Variants in PREX1 observed in about 807,000 individuals in gnomAD.
The protein encoded by PREX1 is phosphatidylinositol-3,4,5-trisphosphate dependent Rac exchange factor 1, also known as phosphatidylinositol 3,4,5-trisphosphate-dependent Rac exchanger 1 protein.
A neutral mutation model predicts 198.3 loss-of-function variants in PREX1; 41 were observed. That is an observed-to-expected ratio of 0.21 (90% CI 0.16 to 0.27). The LOEUF (loss-of-function observed/expected upper bound fraction) is 0.27, where lower values mean the gene tolerates loss of function less well. PREX1 is among the 10% of genes least tolerant of loss of function. The pLI is 1.00. For synonymous variants in PREX1, 843 were observed against 887.2 expected, an observed-to-expected ratio of 0.95 and a Z score of 0.89; for missense variants, 1,620 against 2,200.7, an observed-to-expected ratio of 0.74 and a Z score of 5.28.
chr20:48,681,550 C>G (rs1388183472), intron 10 of PREX1, among the ~76,000 whole-genome samples: 3 of 151,978 alleles, frequency 2.0e-5, no homozygotes, highest in African/African-American at 7.3e-5. Context: ...GATTCCAGGT[C>G]TGCCTCAGGC....
intron 1 of PREX1, among the ~76,000 whole-genome samples, chr20:48,775,352 G>A (rs964021944): frequency 3.3e-5 from 5 of 151,956 alleles, no homozygotes; most frequent in African/African-American, 9.7e-5. Context: ...TTTTAAATGT[G>A]GTGGCCAGGA....
At chr20:48,849,595 G>T in the PREX1 span, 2 of 152,328 alleles carry the variant, frequency 1.3e-5, no homozygotes, top group African/African-American at 4.8e-5. Flanking sequence ...TCTGCAATTT[G>T]CTGGCTTCAC....
chr20:48,630,648 T>C, intron 36 of PREX1, 80 bp downstream of exon 36: 1 of 1,304,326 alleles, frequency 7.7e-7, no homozygotes, highest in Non-Finnish European at 1.1e-6. Flanking sequence ...GGCACAACCC[T>C]GGGCCTGTCT....
At chr20:48,772,579 T>C (rs2090241687) in intron 1 of PREX1, among the ~76,000 whole-genome samples, 2 of 152,240 alleles carry the variant, frequency 1.3e-5, no homozygotes, top group South Asian at 4.1e-4. Context: ...TCCCACCACA[T>C]CAAGCTGGAA....
chr20:48,793,739 C>T (rs2090348417), intron 1 of PREX1, among the ~76,000 whole-genome samples: 1 of 152,212 alleles, frequency 6.6e-6, no homozygotes, highest in African/African-American at 2.4e-5. Context: ...ATCTTGATCC[C>T]TCTCGGGTCC....
chr20:48,882,525 A>AAAAAAAAAAAAAAG, the PREX1 span, among the ~76,000 whole-genome samples: 2 of 97,814 alleles, frequency 2.0e-5, 1 homozygote, highest in African/African-American at 7.7e-5. Flanking sequence ...AAAAAAAAAA[A>AAAAAAAAAAAAAAG]AGAGAGAATC....
intron 3 of PREX1, among the ~76,000 whole-genome samples, chr20:48,735,718 T>C (rs1190722517): frequency 1.3e-5 from 2 of 152,072 alleles, no homozygotes; most frequent in African/African-American, 2.4e-5. Context: ...TGGTAACTAC[T>C]GTAACAGACT....
intron 3 of PREX1, among the ~76,000 whole-genome samples, chr20:48,739,371 A>C (rs1428835387): frequency 6.6e-6 from 1 of 152,202 alleles, no homozygotes; most frequent in Non-Finnish European, 1.5e-5. Flanking sequence ...TTTTAGTATA[A>C]GTATGTCTCA....
the PREX1 span, among the ~76,000 whole-genome samples, chr20:48,876,340 T>G: frequency 6.6e-6 from 1 of 152,174 alleles, no homozygotes; most frequent in African/African-American, 2.4e-5. Context: ...GTCTGTGGGA[T>G]CCGCCCTTTG....
chr20:48,879,225 G>A, the PREX1 span, among the ~76,000 whole-genome samples: 114 of 152,268 alleles, frequency 7.5e-4, 2 homozygotes, highest in South Asian at 0.015. Flanking sequence ...AGTACAATAC[G>A]TGCTCCAAAA....
intron 1 of PREX1, among the ~76,000 whole-genome samples, chr20:48,791,071 T>C (rs992789848): frequency 2.6e-5 from 4 of 152,062 alleles, no homozygotes; most frequent in Non-Finnish European, 5.9e-5. Context: ...GAATAATGCA[T>C]ACACTGTACT....
intron 33 of PREX1, among the ~76,000 whole-genome samples, chr20:48,634,458 C>T (rs1307945429): frequency 6.6e-6 from 1 of 152,194 alleles, no homozygotes; most frequent in South Asian, 2.1e-4. Flanking sequence ...TTGGAAATAG[C>T]CGGGTTCATA....
At position 48,651,568 on chromosome 20, in the gene PREX1, G is replaced by A; in HGVS notation, c.2483C>T (p.Ser828Phe). The A allele has an allele frequency of 6.2e-7, 1 of 1,613,688 alleles. No individual in the cohort carries two copies. The highest frequency in any genetic ancestry group is 8.5e-7 in the Non-Finnish European group (1 of 1,179,806). Residue 828 changes from serine to phenylalanine, a missense_variant, in exon 22 of 40, where the codon TCC becomes TTC. This residue lies in a region of PREX1 where 514 missense variants were observed against 611.6 expected (regional missense o/e 0.84). Coordinates refer to ENST00000371941, the MANE Select transcript of PREX1 (RefSeq NM_020820.4). The stretch of plus-strand genomic sequence containing the variant: ...ACACAGGCTCAGCCGGGGACCCAGG[G>A]ACAGCAGTGGGAAGGCTGGAAGCCA... Reference protein sequence around the residue: ...DQADSAFPLLSLGPRLSLCED... With the variant: ...DQADSAFPLLFLGPRLSLCED...
the PREX1 span, among the ~76,000 whole-genome samples, chr20:48,867,545 C>T: frequency 6.6e-6 from 1 of 152,230 alleles, no homozygotes. Context: ...CTTTGCATCT[C>T]TCCACAGGTG....
At chr20:48,859,566 G>A in the PREX1 span, among the ~76,000 whole-genome samples, 1 of 152,188 alleles carries the variant, frequency 6.6e-6, no homozygotes, top group East Asian at 1.9e-4. Flanking sequence ...TGTTGGGTGA[G>A]GATGTGGGAA....
chr20:48,658,388 A>G (rs1490513612), intron 16 of PREX1, among the ~76,000 whole-genome samples, 160 bp from the exon 17 acceptor site: 2 of 152,276 alleles, frequency 1.3e-5, no homozygotes, highest in East Asian at 3.8e-4. Flanking sequence ...AGCACCTGGC[A>G]GAGCCAGTGC....
intron 1 of PREX1, among the ~76,000 whole-genome samples, chr20:48,770,213 CAT>C (rs1243267764): frequency 5.9e-5 from 9 of 152,174 alleles, no homozygotes; most frequent in Admixed American, 6.5e-5. Flanking sequence ...TTTCAAAACA[CAT>C]GTTTTGCCCA....
the PREX1 span, among the ~76,000 whole-genome samples, chr20:48,868,952 T>C: frequency 6.6e-6 from 1 of 151,954 alleles, no homozygotes; most frequent in African/African-American, 2.4e-5. Context: ...ACAGAGCTCA[T>C]TGCAGCCTCG....
chr20:48,683,965 T>C (rs1377364793), intron 10 of PREX1, among the ~76,000 whole-genome samples: 1 of 151,900 alleles, frequency 6.6e-6, no homozygotes, highest in Non-Finnish European at 1.5e-5. Flanking sequence ...GGCGCTGGCA[T>C]GCAAAGGGCA....
Sources: gnomAD v4.1 joint callset for allele counts (sites outside exome capture counted in the v4.1 genomes callset) on GRCh38, gnomAD v4.1.1 for gene constraint, gnomAD v4.1.1 regional missense constraint, MANE v1.5 for transcripts, NCBI Gene and HGNC (gene_info 2026-07-23, HGNC 2026-07-21) for gene names.